The following C2 variants were observed in gnomAD, a reference collection of about 807,000 sequenced individuals.
C2 encodes complement C2, also known as C3/C5 convertase.
A neutral mutation model predicts 85.2 loss-of-function variants in C2; 64 were observed. That is an observed-to-expected ratio of 0.75 (90% CI 0.61 to 0.92). C2 has a LOEUF of 0.92. C2 is among the 40% of genes least tolerant of loss of function. C2 has a pLI of 0.00. For synonymous variants in C2, 311 were observed against 370.8 expected (o/e 0.84, Z 1.85); for missense variants, 820 against 971.6 (o/e 0.84, Z 2.07).
intron 1 of C2, among the ~76,000 whole-genome samples, chr6:31,905,232 G>T (rs1212319073): frequency 6.6e-6 from 1 of 151,954 alleles, no homozygotes; most frequent in Non-Finnish European, 1.5e-5. Context: ...CCAGCAGTTT[G>T]AGACCAGTCT....
intron 9 of C2, among the ~76,000 whole-genome samples, chr6:31,939,940 C>T (rs1469456621): frequency 6.6e-6 from 1 of 151,990 alleles, no homozygotes; most frequent in African/African-American, 2.4e-5. Flanking sequence ...CCATGCCCGG[C>T]TCATTTTTGC....
rs1303949433 is a variant in C2, at chr6:31,920,354, C to T, written c.-100+328C>T. ...GAACTGGGAAGGGGATGAATATCTC[C>T]CCACTCCCCAGGATAAAGGAAAACA... On this transcript the variant is annotated intron_variant, in intron 1 of 3. Transcript: ENST00000413154. The surrounding 1 kb of genome is among the most constrained non-coding windows in gnomAD (Gnocchi z 5.6). 1.3e-5 allele frequency among the ~76,000 whole-genome samples: 2 copies of T among 152,112 alleles called. No homozygotes were observed. Among genetic ancestry groups the T allele is most frequent in the African/African-American group, 2.4e-5 (1 of 41,418 alleles).
chr6:31,929,002 G>A, intron 3 of C2, 85 bp downstream of exon 3: 1 of 1,254,652 alleles, frequency 8.0e-7, no homozygotes, highest in Non-Finnish European at 1.1e-6. Flanking sequence ...GGAAGCCTCT[G>A]TGGGGATAGG....
upstream of C2, chr6:31,927,710 C>CT: frequency 2.5e-6 from 4 of 1,612,868 alleles, no homozygotes; most frequent in Non-Finnish European, 3.4e-6. This position sits in a 1 kb window ranked among gnomAD's most constrained non-coding sequence, Gnocchi z 4.7. Context: ...GACCTTTTCC[C>CT]TCCCGCGGCT....
At position 31,943,768 on chromosome 6, in the gene C2, G is replaced by A. The variant is rs769365674; in HGVS notation, c.1692G>A (p.Leu564=). The change falls in exon 13 of 18, where the codon CTG becomes CTA. Residue 564 remains leucine, a synonymous_variant. Transcript: ENST00000299367. The surrounding 1 kb of genome is among the most constrained non-coding windows in gnomAD (Gnocchi z 6.4). The part of the protein sequence containing the change: ...ILEFYGDDIA[L]LKLAQKVKMS... ...AGTTCTATGGTGATGACATAGCTCTGCTGAAGCTGGCCCAGAAAGTAAAGA... is the reference window on the plus strand; with the variant it reads ...AGTTCTATGGTGATGACATAGCTCTACTGAAGCTGGCCCAGAAAGTAAAGA... The A allele has an allele frequency of 6.2e-7, 1 of 1,613,102 alleles. No individual in the cohort carries two copies. Among genetic ancestry groups the A allele is most frequent in the South Asian group, 1.1e-5 (1 of 91,088 alleles).
chr6:31,936,313 C>T, intron 7 of C2: 2 of 522,314 alleles, frequency 3.8e-6, no homozygotes, highest in East Asian at 3.5e-5. Flanking sequence ...GTTGCCAAAA[C>T]CACACTGTCT....
At chr6:31,941,888 G>A (rs563568846) in intron 9 of C2, among the ~76,000 whole-genome samples, 5 of 142,454 alleles carry the variant, frequency 3.5e-5, no homozygotes, top group South Asian at 2.2e-4. Flanking sequence ...GTGCAATCTC[G>A]GCTCACTGCA....
At chr6:31,924,860 C>T (rs1459696072), upstream of C2, among the ~76,000 whole-genome samples, 4 of 152,172 alleles carry the variant, frequency 2.6e-5, no homozygotes, top group East Asian at 7.7e-4. Context: ...TGTGACTTTG[C>T]CATTCCTCCT....
chr6:31,927,296 AACTTT>A (rs1405474359), upstream of C2, among the ~76,000 whole-genome samples: 10 of 152,260 alleles, frequency 6.6e-5, no homozygotes, highest in Non-Finnish European at 1.3e-4. The surrounding 1 kb of genome is among the most constrained non-coding windows in gnomAD (Gnocchi z 4.7). Context: ...AGAACACTAA[AACTTT>A]ACTTAAATGA....
chr6:31,901,161 C>G (rs9394078), intron 1 of C2: 2 of 1,613,686 alleles, frequency 1.2e-6, no homozygotes, highest in Non-Finnish European at 1.7e-6. Flanking sequence ...GCCAAGATGA[C>G]CTTGTGGCCT....
At chr6:31,934,787 A>C (rs1351943602) in intron 6 of C2, 1 of 640,704 alleles carries the variant, frequency 1.6e-6, no homozygotes, top group Non-Finnish European at 2.0e-6. Flanking sequence ...AGGCAGGTGG[A>C]TCACTTGAGG....
chr6:31,945,097 G>A lies in C2; in HGVS notation c.2079+68G>A. 3.7e-6 allele frequency: 6 copies of A among 1,608,804 alleles called. No individual in the cohort carries two copies. The highest frequency in any genetic ancestry group is 4.3e-6 in the Non-Finnish European group (5 of 1,176,196). On this transcript the variant is annotated intron_variant, in intron 17 of 17. Transcript: ENST00000299367. This position sits in a 1 kb window ranked among gnomAD's most constrained non-coding sequence, Gnocchi z 5.3. ...TCAGCCTTGTTGGGGGGATGAGGGAGGCCTTTGAGGGATCTAGGGAGGTTG... is the reference window on the plus strand; with the variant it reads ...TCAGCCTTGTTGGGGGGATGAGGGAAGCCTTTGAGGGATCTAGGGAGGTTG...
Position 31,934,419 on chromosome 6 carries a change from T to C in C2, c.849+120T>C, listed in dbSNP as rs1202404148. ...ACCTCCTCCAAGAAGTCTTCTCAGA[T>C]TATACTCATGCCATGTAGGAATCAT... On this transcript the variant is annotated intron_variant, in intron 6 of 17. Coordinates refer to ENST00000299367, the MANE Select transcript of C2 (RefSeq NM_000063.6). 3 of 1,365,614 alleles carry C rather than the reference T, an allele frequency of 2.2e-6. No individual in the cohort carries two copies. The Admixed American group carries it at 5.0e-5, about 23-fold the overall frequency. The allele number at this position is 1,365,614 out of a possible 1,614,324, so 84.6% of individuals were successfully genotyped here. A position where few individuals can be genotyped will look rare whatever the true frequency, so the allele number is the denominator to read the frequency against.
intron 3 of C2, among the ~76,000 whole-genome samples, chr6:31,931,481 C>T (rs1769740642): frequency 6.6e-6 from 1 of 151,272 alleles, no homozygotes; most frequent in Admixed American, 6.6e-5. Context: ...GAGCATGCTG[C>T]CTTCAAGCAT....
chr6:31,909,922 C>T (rs1161440934), intron 1 of C2, among the ~76,000 whole-genome samples: 1 of 151,522 alleles, frequency 6.6e-6, no homozygotes, highest in Non-Finnish European at 1.5e-5. Flanking sequence ...ACTCTGTTGC[C>T]CCGGCTAGAG....
At chr6:31,915,176 C>G (rs1466134275), upstream of C2, among the ~76,000 whole-genome samples, 1 of 152,166 alleles carries the variant, frequency 6.6e-6, no homozygotes, top group Non-Finnish European at 1.5e-5. Context: ...CAAATCATAT[C>G]ACTTCCTTAT....
In C2 at chr6:31,933,612, G is replaced by A; in HGVS notation, c.445G>A (p.Gly149Ser). ...TGCCTTCCTTTGTTCACTCGCAGCT[G>A]GCCACTGCCCCAACCCAGGCATTTC... is the stretch of plus-strand genomic sequence containing the variant. ...GETAVCDNGA[G>S]HCPNPGISLG... Residue 149 changes from glycine (G) to serine (S), a missense_variant and splice_region_variant, in exon 4 of 18, where the codon GGC (glycine) becomes AGC (serine). Transcript: ENST00000299367. 1 of 1,613,024 alleles carries A rather than the reference G, an allele frequency of 6.2e-7. No homozygotes were observed. The highest frequency in any genetic ancestry group is 1.1e-5 in the South Asian group (1 of 91,084).
In C2 at chr6:31,944,717, C is replaced by T; in HGVS notation, c.1903-10C>T. ...TTCTACCCTTCTCTCTGGTTCCACC[C>T]CTGCTGCAGTGGACAAGCTGTGCCG... On this transcript the variant is annotated splice_polypyrimidine_tract_variant and intron_variant, in intron 15 of 17. Coordinates refer to ENST00000299367, the MANE Select transcript of C2 (RefSeq NM_000063.6). This position sits in a 1 kb window ranked among gnomAD's most constrained non-coding sequence, Gnocchi z 5.1. 1 of 1,613,038 alleles carries T rather than the reference C, an allele frequency of 6.2e-7. No individual in the cohort carries two copies. The highest frequency in any genetic ancestry group is 8.5e-7 in the Non-Finnish European group (1 of 1,180,016).
intron 9 of C2, chr6:31,941,152 T>G (rs1179610397): frequency 6.6e-6 from 1 of 152,260 alleles, no homozygotes; most frequent in Non-Finnish European, 1.5e-5. Flanking sequence ...TTCTGAGTTC[T>G]TTCTATTCAT....
Sources: gnomAD v4.1 joint callset for allele counts (sites outside exome capture counted in the v4.1 genomes callset) on GRCh38, gnomAD v4.1.1 for gene constraint, Gnocchi (gnomAD v3.1) non-coding constraint, MANE v1.5 for transcripts, NCBI Gene and HGNC (gene_info 2026-07-23, HGNC 2026-07-21) for gene names.